SH3RF3: variants seen among roughly 807,000 people sequenced by gnomAD.
SH3RF3 encodes the protein E3 ubiquitin-protein ligase SH3RF3.
SH3RF3 carries 29 observed loss-of-function variants against 66.3 expected under a neutral mutation model. That is an observed-to-expected ratio of 0.44 (90% CI 0.33 to 0.60). The LOEUF is 0.60. Ranked by LOEUF, SH3RF3 falls within the 20% of genes least tolerant of loss-of-function variation. The pLI is 0.04. For synonymous variants in SH3RF3, 583 were observed against 532.0 expected (o/e 1.10, Z -1.32); for missense variants, 1,194 against 1,190.9 (o/e 1.00, Z -0.04).
intron 1 of SH3RF3, among the ~76,000 whole-genome samples, chr2:109,327,885 T>C (rs1427970744): frequency 1.3e-5 from 2 of 152,222 alleles, no homozygotes; most frequent in Non-Finnish European, 2.9e-5. Context: ...GTTTAGCAAT[T>C]CATTTCTTTT....
At chr2:109,130,154 AGT>A in intron 1 of SH3RF3, 41 bp downstream of exon 1, 1 of 1,270,994 alleles carries the variant, frequency 7.9e-7, no homozygotes. Flanking sequence ...GGCACGTGGG[AGT>A]GTGTGGGTGG....
At chr2:109,364,901 G>A (rs1216150283) in intron 2 of SH3RF3, among the ~76,000 whole-genome samples, 2 of 152,122 alleles carry the variant, frequency 1.3e-5, no homozygotes, top group African/African-American at 4.8e-5. Flanking sequence ...GACCAGCCTG[G>A]CCAACATGGT....
intron 1 of SH3RF3, among the ~76,000 whole-genome samples, chr2:109,191,889 A>G (rs568563176): frequency 8.3e-4 from 127 of 152,194 alleles, no homozygotes; most frequent in Non-Finnish European, 1.4e-3. Flanking sequence ...AACCTTTACT[A>G]TTATTATTTT....
chr2:109,447,164 A>AG (rs1458385698), intron 7 of SH3RF3, among the ~76,000 whole-genome samples: 4 of 149,878 alleles, frequency 2.7e-5, no homozygotes, highest in East Asian at 1.9e-4. Flanking sequence ...AAAAAAAAAA[A>AG]AAAAGAAAAG....
In SH3RF3 at chr2:109,163,196, C is replaced by T. The variant is rs919772969; in HGVS notation, c.573+33083C>T. Among the ~76,000 whole-genome samples the T allele has an allele frequency of 2.6e-4, 39 of 152,186 alleles. 1 individual carries two copies. The highest frequency in any genetic ancestry group is 2.6e-3 in the Admixed American group (39 of 15,284). ...CTCACCCCCGAGGCGGGAATAGGAA[C>T]TCGCGGGCAGCTTTGGCACAAGCCC... On this transcript the variant is annotated intron_variant, in intron 1 of 9. Coordinates refer to ENST00000309415, the MANE Select transcript of SH3RF3 (RefSeq NM_001099289.3).
intron 1 of SH3RF3, among the ~76,000 whole-genome samples, chr2:109,269,625 A>G (rs975094687): frequency 2.0e-5 from 3 of 151,982 alleles, no homozygotes; most frequent in South Asian, 4.2e-4. Context: ...TACTAAAAAT[A>G]AAAAAAATAG....
chr2:109,467,338 T>A (rs993803923), intron 8 of SH3RF3, among the ~76,000 whole-genome samples: 1 of 152,114 alleles, frequency 6.6e-6, no homozygotes, highest in Non-Finnish European at 1.5e-5. Context: ...CACACAGCAA[T>A]GGAAGGGAAG....
intron 1 of SH3RF3, among the ~76,000 whole-genome samples, chr2:109,183,128 C>A (rs1372574181): frequency 6.6e-6 from 1 of 152,154 alleles, no homozygotes; most frequent in Non-Finnish European, 1.5e-5. Flanking sequence ...AGATTGTGTA[C>A]AAAACTGTCC....
At position 109,229,125 on chromosome 2, in the gene SH3RF3, C is replaced by T. The variant is rs552876661; in HGVS notation, c.573+99012C>T. ...TCAGAACAAAAGATACTCCTAGCCC[C>T]GCTATCACTCAGAAAATTACCAGGG... On this transcript the variant is annotated intron_variant, in intron 1 of 9. Transcript: ENST00000309415. Among the ~76,000 whole-genome samples the T allele has an allele frequency of 9.2e-5, 14 of 152,222 alleles. No individual in the cohort carries two copies. The East Asian group carries it at 9.7e-4, about 10-fold the overall frequency.
At chr2:109,252,447 T>C (rs1246104596) in intron 1 of SH3RF3, among the ~76,000 whole-genome samples, 1 of 152,218 alleles carries the variant, frequency 6.6e-6, no homozygotes, top group Non-Finnish European at 1.5e-5. Flanking sequence ...TTTGTCTTTT[T>C]ACAGGCCTTC....
intron 1 of SH3RF3, among the ~76,000 whole-genome samples, chr2:109,220,438 A>C (rs1168642839): frequency 6.6e-6 from 1 of 152,264 alleles, no homozygotes; most frequent in African/African-American, 2.4e-5. Flanking sequence ...GATTTCATCA[A>C]AACGCAAAAG....
chr2:109,214,786 C>T (rs1439325759), intron 1 of SH3RF3, among the ~76,000 whole-genome samples: 3 of 152,184 alleles, frequency 2.0e-5, no homozygotes, highest in Admixed American at 6.5e-5. Context: ...TCTGGACTTG[C>T]GTCCTCACCC....
intron 1 of SH3RF3, among the ~76,000 whole-genome samples, chr2:109,218,427 T>TTG (rs1275688787): frequency 2.6e-5 from 4 of 152,320 alleles, no homozygotes; most frequent in Non-Finnish European, 4.4e-5. Context: ...ATGTTATGCT[T>TTG]AACAAAACGA....
intron 6 of SH3RF3, among the ~76,000 whole-genome samples, chr2:109,433,412 A>C (rs921390753): frequency 2.0e-5 from 3 of 152,226 alleles, no homozygotes; most frequent in African/African-American, 7.2e-5. Flanking sequence ...GTCACTGAAG[A>C]GACAAGGGGG....
chr2:109,374,554 C>T (rs1309289248), intron 3 of SH3RF3, among the ~76,000 whole-genome samples: 1 of 152,312 alleles, frequency 6.6e-6, no homozygotes, highest in Non-Finnish European at 1.5e-5. Flanking sequence ...GAGAGTCAGA[C>T]CCACCTGCCA....
intron 1 of SH3RF3, among the ~76,000 whole-genome samples, chr2:109,145,770 A>G (rs1677083024): frequency 6.6e-6 from 1 of 152,156 alleles, no homozygotes; most frequent in Non-Finnish European, 1.5e-5. Context: ...GGAACCCAGG[A>G]GCAGTATTGG....
intron 1 of SH3RF3, among the ~76,000 whole-genome samples, chr2:109,268,854 G>A (rs559275769): frequency 1.3e-5 from 2 of 152,308 alleles, no homozygotes; most frequent in South Asian, 4.1e-4. Context: ...CAGGTTGGGT[G>A]TATTCAATGA....
At chr2:109,221,755 G>T (rs1679249185) in intron 1 of SH3RF3, among the ~76,000 whole-genome samples, 1 of 152,090 alleles carries the variant, frequency 6.6e-6, no homozygotes, top group Non-Finnish European at 1.5e-5. Flanking sequence ...TATACTATTG[G>T]TGGGAACATA....
At chr2:109,192,129 C>T (rs370744226) in intron 1 of SH3RF3, among the ~76,000 whole-genome samples, 6 of 152,140 alleles carry the variant, frequency 3.9e-5, no homozygotes, top group African/African-American at 9.7e-5. Context: ...GAGTTCTTCA[C>T]GGTACCCAAT....
Sources: allele counts gnomAD v4.1 joint callset (sites outside exome capture counted in the v4.1 genomes callset), GRCh38; gene constraint gnomAD v4.1.1; transcripts MANE v1.5; gene names NCBI Gene and HGNC (gene_info 2026-07-23, HGNC 2026-07-21).